The following PTCH1 variants were observed in gnomAD, a reference collection of about 807,000 sequenced individuals.
PTCH1 encodes patched 1, also known as protein patched homolog 1.
Under a neutral mutation model 144.6 loss-of-function variants are expected in PTCH1, and 14 were observed. The ratio of observed to expected loss-of-function variants is 0.10; its 90% CI spans 0.06 to 0.15. PTCH1 has a LOEUF of 0.15. Among genes scored for constraint, PTCH1 ranks in the 10% least tolerant of loss-of-function variants. The pLI is 1.00. For synonymous variants in PTCH1, 833 were observed against 793.6 expected (o/e 1.05, Z -0.83); for missense variants, 1,623 against 1,948.3 (o/e 0.83, Z 3.14).
intron 3 of PTCH1, chr9:95,484,060 T>C (rs1406056355): frequency 6.6e-6 from 1 of 152,254 alleles, no homozygotes; most frequent in East Asian, 1.9e-4. Flanking sequence ...TTCATTCCAA[T>C]GCATAAAATT....
At chr9:95,510,906 G>T (rs181375055), upstream of PTCH1, among the ~76,000 whole-genome samples, 1,306 of 150,888 alleles carry the variant, frequency 8.7e-3, 20 homozygotes, top group East Asian at 0.024. Flanking sequence ...GGGCAGAGTA[G>T]GTAGGGAGGC....
rs776424978 is a variant in PTCH1, at chr9:95,506,440, G to A, written c.361C>T (p.Leu121Phe). The A allele has an allele frequency of 1.2e-6, 2 of 1,612,596 alleles. No homozygotes were observed. The highest frequency in any genetic ancestry group is 2.2e-5 in the East Asian group (1 of 44,782). Residue 121 changes from leucine to phenylalanine, a missense_variant, in exon 2 of 24, where the codon CTC (leucine) becomes TTC (phenylalanine). Physicochemically the swap from Leu to Phe is conservative, Grantham distance 22. This residue lies in a region of PTCH1 where 245 missense variants were observed against 240.6 expected (regional missense o/e 1.02). Transcript: ENST00000331920. ...CACAGCTCCTCCACGTTGGTCTCGA[G>A]GTTCGCTGCTTTTAATCCCACCGCG... ...AFAVGLKAAN[L>F]ETNVEELWVE...
Position 95,468,974 on chromosome 9 carries a change from T to C in PTCH1, c.2027A>G (p.Tyr676Cys), listed in dbSNP as rs1274998781. 22 of 1,613,776 alleles carry C rather than the reference T, an allele frequency of 1.4e-5. No individual in the cohort carries two copies. Among genetic ancestry groups the C allele is most frequent in the Admixed American group, 1.7e-5 (1 of 59,984 alleles). ...CTCGGAGCGCGGCTCAGCGGTGGTG[T>C]AGTACACGTGCGTGTGGGGGTCGTA... is the stretch of plus-strand genomic sequence containing the variant. ...TEYDPHTHVY[Y>C]TTAEPRSEIS... The change falls in exon 14 of 24, where the codon TAC becomes TGC. Residue 676 changes from tyrosine (Y) to cysteine (C), a missense_variant. Tyr to Cys is a radical substitution (Grantham distance 194). Coordinates refer to ENST00000331920, the MANE Select transcript of PTCH1 (RefSeq NM_000264.5).
At chr9:95,495,195 C>T (rs898103458) in intron 2 of PTCH1, 2 of 152,104 alleles carry the variant, frequency 1.3e-5, no homozygotes, top group South Asian at 2.1e-4. Flanking sequence ...CCCCTGGTGC[C>T]GTGAGGAAGT....
chr9:95,474,340 G>C (rs1026138989), intron 12 of PTCH1, among the ~76,000 whole-genome samples: 5 of 152,002 alleles, frequency 3.3e-5, no homozygotes, highest in African/African-American at 1.2e-4. Context: ...TGAGACTGGG[G>C]TACCACAGGG....
chr9:95,465,084 T>TA (rs570202502), intron 15 of PTCH1, among the ~76,000 whole-genome samples: 2,347 of 145,504 alleles, frequency 0.016, 24 homozygotes, highest in Middle Eastern at 0.026. Context: ...AAATGCACCT[T>TA]AAAAAAAAAA....
intron 2 of PTCH1, among the ~76,000 whole-genome samples, chr9:95,498,563 C>T (rs575949479): frequency 3.1e-4 from 47 of 152,238 alleles, no homozygotes; most frequent in Middle Eastern, 3.4e-3. Flanking sequence ...AAATCCTCCA[C>T]CACAGCCCAG....
chr9:95,457,203 TG>T (rs1284276344), intron 18 of PTCH1, among the ~76,000 whole-genome samples: 2 of 128,072 alleles, frequency 1.6e-5, no homozygotes, highest in African/African-American at 6.0e-5. Flanking sequence ...AGTTACCAGA[TG>T]GAAGAGAAGG....
At chr9:95,462,780 G>C (rs1413268434) in intron 15 of PTCH1, among the ~76,000 whole-genome samples, 1 of 152,132 alleles carries the variant, frequency 6.6e-6, no homozygotes, top group Non-Finnish European at 1.5e-5. Flanking sequence ...GGAGGGGGAG[G>C]AAAGAGCTTT....
intron 3 of PTCH1, chr9:95,483,151 C>G (rs1841687768): frequency 6.6e-6 from 1 of 151,740 alleles, no homozygotes; most frequent in Admixed American, 6.6e-5. Flanking sequence ...ATATATAGTC[C>G]CAGCTACTCG....
intron 15 of PTCH1, among the ~76,000 whole-genome samples, chr9:95,463,800 G>A (rs1210993730): frequency 6.6e-6 from 1 of 152,182 alleles, no homozygotes; most frequent in Non-Finnish European, 1.5e-5. Flanking sequence ...CCCAGCAGGT[G>A]AGTGTTGGAT....
At chr9:95,477,822 A>G (rs1588601427) in intron 9 of PTCH1, 120 bp from the exon 10 acceptor site, 9 of 1,489,274 alleles carry the variant, frequency 6.0e-6, no homozygotes, top group Middle Eastern at 1.9e-4. Context: ...AACAACAACA[A>G]AACTTTACAT....
chr9:95,489,818 T>TG (rs1313729733), intron 2 of PTCH1, among the ~76,000 whole-genome samples: 5 of 148,250 alleles, frequency 3.4e-5, no homozygotes, highest in Non-Finnish European at 6.0e-5. Context: ...TTTTTTTTTT[T>TG]GTGACGGAGT....
chr9:95,472,472 A>T (rs746594529), intron 12 of PTCH1, among the ~76,000 whole-genome samples: 3 of 152,188 alleles, frequency 2.0e-5, no homozygotes, highest in Non-Finnish European at 2.9e-5. Flanking sequence ...TAGGATTCTA[A>T]CGGAGATTTT....
intron 3 of PTCH1, chr9:95,484,086 C>T (rs1841783610): frequency 6.6e-6 from 1 of 152,234 alleles, no homozygotes; most frequent in African/African-American, 2.4e-5. Context: ...GGACCCATCT[C>T]AGCTTAAGAG....
intron 22 of PTCH1, among the ~76,000 whole-genome samples, chr9:95,448,187 C>T (rs1838132008): frequency 6.6e-6 from 1 of 152,208 alleles, no homozygotes. Context: ...TTTTTAGGCT[C>T]CTGCTGAACA....
chr9:95,464,466 T>C (rs1343944336), intron 15 of PTCH1, among the ~76,000 whole-genome samples: 1 of 152,236 alleles, frequency 6.6e-6, no homozygotes, highest in Non-Finnish European at 1.5e-5. Flanking sequence ...TGTAAAGTTC[T>C]AGGCCAAAGG....
At chr9:95,491,807 G>A (rs761140919) in intron 2 of PTCH1, among the ~76,000 whole-genome samples, 3 of 152,124 alleles carry the variant, frequency 2.0e-5, no homozygotes, top group Non-Finnish European at 4.4e-5. Flanking sequence ...TGCTCCAAGT[G>A]GAAAATTCCA....
At chr9:95,451,654 A>G (rs1838469280) in intron 20 of PTCH1, 1 of 152,268 alleles carries the variant, frequency 6.6e-6, no homozygotes, top group South Asian at 2.1e-4. Context: ...CTTAGGCTAC[A>G]CAGAGGGATA....
Sources: gnomAD v4.1 joint callset for allele counts (sites outside exome capture counted in the v4.1 genomes callset) on GRCh38, gnomAD v4.1.1 for gene constraint, gnomAD v4.1.1 regional missense constraint, MANE v1.5 for transcripts, NCBI Gene and HGNC (gene_info 2026-07-23, HGNC 2026-07-21) for gene names.